Variants in USP7 observed in about 807,000 individuals in gnomAD.
The protein encoded by USP7 is ubiquitin C-terminal hydrolase 7.
USP7 carries 9 observed loss-of-function variants against 162.9 expected under a neutral mutation model. The ratio of observed to expected loss-of-function variants is 0.06; its 90% CI spans 0.03 to 0.10. The LOEUF (loss-of-function observed/expected upper bound fraction) is 0.10. USP7 is among the 10% of genes least tolerant of loss of function. The pLI, the probability that USP7 is intolerant of heterozygous loss-of-function variation, is 1.00. For missense variants in USP7, 715 were observed against 1,373.7 expected (o/e 0.52, Z 7.58); for synonymous variants, 562 against 475.9 (o/e 1.18, Z -2.35).
chr16:8,899,422 T>C, intron 22 of USP7, 182 bp downstream of exon 22: 2 of 879,894 alleles, frequency 2.3e-6, no homozygotes, highest in South Asian at 1.8e-5. Flanking sequence ...TACAGGTTCT[T>C]TTCTGATGGC....
intron 3 of USP7, 105 bp downstream of exon 3, chr16:8,923,110 A>T (rs942707492): frequency 1.8e-6 from 1 of 545,348 alleles, no homozygotes; most frequent in Admixed American, 3.7e-5. Context: ...ACACGTATTT[A>T]ATCTAATTTA....
chr16:8,951,176 G>GT (rs1487978920), intron 1 of USP7, among the ~76,000 whole-genome samples: 1 of 17,388 alleles, frequency 5.8e-5, no homozygotes, highest in Non-Finnish European at 1.5e-4. Context: ...GCTTGCCACT[G>GT]TTTGACTGCT....
Position 8,930,365 on chromosome 16 carries a change from G to C in USP7, c.112C>G (p.Gln38Glu). 2 of 1,612,824 alleles carry C rather than the reference G, an allele frequency of 1.2e-6. No individual in the cohort carries two copies. The highest frequency in any genetic ancestry group is 1.1e-5 in the South Asian group (1 of 90,824). Residue 38 changes from glutamine to glutamate, a missense_variant, in exon 2 of 31, where the codon CAG (glutamine) becomes GAG (glutamate). Transcript: ENST00000344836. ...ACATTCCCATTGATCACAGGGTTCTGAGTAATTCTTGGTGGGTCATCTGTA... is the reference window on the plus strand; with the variant it reads ...ACATTCCCATTGATCACAGGGTTCTCAGTAATTCTTGGTGGGTCATCTGTA... ...GDTDDPPRIT[Q>E]NPVINGNVAL...
At chr16:8,954,747 T>G (rs1374438129) in intron 1 of USP7, among the ~76,000 whole-genome samples, 1 of 151,784 alleles carries the variant, frequency 6.6e-6, no homozygotes, top group African/African-American at 2.4e-5. Context: ...GGGTCTGAGG[T>G]GGGTGGATCA....
chr16:8,932,067 TC>T (rs1474176312), intron 1 of USP7, among the ~76,000 whole-genome samples: 1 of 151,996 alleles, frequency 6.6e-6, no homozygotes, highest in African/African-American at 2.4e-5. Flanking sequence ...CACCTCCCCC[TC>T]CAAGAACTCT....
chr16:8,918,359 A>G (rs938997863), intron 6 of USP7, among the ~76,000 whole-genome samples: 1 of 152,248 alleles, frequency 6.6e-6, no homozygotes, highest in African/African-American at 2.4e-5. Context: ...GATTTAATGT[A>G]TGTCTATTCT....
intron 27 of USP7, 130 bp from the exon 28 acceptor site, chr16:8,895,280 G>T: frequency 2.9e-6 from 4 of 1,400,642 alleles, no homozygotes; most frequent in Non-Finnish European, 3.9e-6. Context: ...GCCACACCTG[G>T]ATCCAGCCAG....
chr16:8,963,306 C>T lies in USP7; in HGVS notation c.-21G>A. 1 of 1,091,210 alleles carries T rather than the reference C, an allele frequency of 9.2e-7. No individual in the cohort carries two copies. The highest frequency in any genetic ancestry group is 2.6e-5 in the South Asian group (1 of 37,868). 67.6% of individuals were successfully genotyped at this position (1,091,210 alleles called of 1,614,324 possible). A position where few individuals can be genotyped will look rare whatever the true frequency, so the allele number is the denominator to read the frequency against. On this transcript the variant is annotated 5_prime_UTR_variant, in exon 1 of 31. Coordinates refer to ENST00000344836, the MANE Select transcript of USP7 (RefSeq NM_003470.3). ...TTCATGTCGGCCGCGGCCTGGGCCT[C>T]GCCTGCGGCCGGGGGCCGGGGCTGC...
At chr16:8,897,747 A>ATATAT (rs1491214554) in intron 25 of USP7, among the ~76,000 whole-genome samples, 4 of 117,940 alleles carry the variant, frequency 3.4e-5, no homozygotes, top group Non-Finnish European at 6.9e-5. Flanking sequence ...ATATATATAT[A>ATATAT]AATGAGTTGG....
Position 8,894,461 on chromosome 16 carries a change from T to A in USP7, c.3202+89A>T, listed in dbSNP as rs932818381. The A allele has an allele frequency of 2.2e-6, 3 of 1,358,954 alleles. No individual in the cohort carries two copies. In the African/African-American group the frequency reaches 4.4e-5, roughly 20 times the overall value. The allele number at this position is 1,358,954 out of a possible 1,614,324, so 84.2% of individuals were successfully genotyped here. A position where few individuals can be genotyped will look rare whatever the true frequency, so the allele number is the denominator to read the frequency against. On this transcript the variant is annotated intron_variant, in intron 30 of 30. Coordinates refer to ENST00000344836, the MANE Select transcript of USP7 (RefSeq NM_003470.3). ...CCAGTGGAGAGAGAGGAGCTGGCAC[T>A]TGACCCTGGGGCTGCCCCTCCCAGC...
chr16:8,940,005 C>A (rs900629188), intron 1 of USP7, among the ~76,000 whole-genome samples: 2 of 151,810 alleles, frequency 1.3e-5, no homozygotes, highest in Non-Finnish European at 2.9e-5. Context: ...GGCTGAGGCA[C>A]AAGAATTGCT....
At chr16:8,941,333 C>T (rs932543369) in intron 1 of USP7, among the ~76,000 whole-genome samples, 7 of 152,248 alleles carry the variant, frequency 4.6e-5, no homozygotes, top group African/African-American at 9.6e-5. Context: ...CATGCATCCC[C>T]TAAAGGGTGG....
intron 1 of USP7, among the ~76,000 whole-genome samples, chr16:8,952,682 G>A (rs563974686): frequency 6.6e-5 from 10 of 152,262 alleles, no homozygotes; most frequent in Admixed American, 2.6e-4. Flanking sequence ...GCCATGTAAC[G>A]TAACATTTGC....
intron 1 of USP7, among the ~76,000 whole-genome samples, chr16:8,930,931 T>G (rs898044440): frequency 6.7e-6 from 1 of 150,308 alleles, no homozygotes; most frequent in African/African-American, 2.4e-5. Flanking sequence ...ATCATGCCAC[T>G]GCACTCCAGC....
intron 7 of USP7, 40 bp downstream of exon 7, chr16:8,916,986 A>AAT: frequency 6.6e-7 from 1 of 1,510,292 alleles, no homozygotes; most frequent in Non-Finnish European, 8.8e-7. Context: ...AAAAAAAAAA[A>AAT]GAGGAAGCAG....
At chr16:8,913,513 G>A (rs542656192) in intron 10 of USP7, among the ~76,000 whole-genome samples, 7 of 152,106 alleles carry the variant, frequency 4.6e-5, no homozygotes, top group Middle Eastern at 3.4e-3. Context: ...ACGGTAGAAC[G>A]TCTAACAGAC....
chr16:8,896,872 C>G, intron 26 of USP7, 127 bp downstream of exon 26: 1 of 754,672 alleles, frequency 1.3e-6, no homozygotes, highest in Non-Finnish European at 2.4e-6. Context: ...TGGAGGCACA[C>G]CCCACTGAGT....
intron 1 of USP7, chr16:8,962,497 T>C (rs959918748): frequency 4.4e-6 from 2 of 452,484 alleles, no homozygotes; most frequent in African/African-American, 4.0e-5. Context: ...GGTTTGATTC[T>C]GATGCAGGCA....
chr16:8,896,229 A>C (rs1243103289), intron 26 of USP7, among the ~76,000 whole-genome samples: 2 of 151,494 alleles, frequency 1.3e-5, no homozygotes, highest in South Asian at 2.1e-4. Context: ...CTTGAAGCAT[A>C]AGATTAAAGG....
Sources: gnomAD v4.1 joint callset for allele counts (sites outside exome capture counted in the v4.1 genomes callset) on GRCh38, gnomAD v4.1.1 for gene constraint, MANE v1.5 for transcripts, NCBI Gene and HGNC (gene_info 2026-07-23, HGNC 2026-07-21) for gene names.